Variants in ZNF614 observed in about 807,000 individuals in gnomAD.
The protein encoded by ZNF614 is zinc finger protein 614.
ZNF614 carries 11 observed loss-of-function variants against 12.8 expected under a neutral mutation model. The ratio of observed to expected loss-of-function variants is 0.86; its 90% CI spans 0.54 to 1.43. The LOEUF is 1.43. ZNF614 is among the 40% of genes most tolerant of loss of function. ZNF614 has a pLI of 0.00. For synonymous variants in ZNF614, 237 were observed against 237.5 expected (o/e 1.00, Z 0.02); for missense variants, 664 against 708.8 (o/e 0.94, Z 0.72).
chr19:52,018,115 G>A lies in ZNF614; in HGVS notation c.143-12C>T. 1 of 1,610,204 alleles carries A rather than the reference G, an allele frequency of 6.2e-7. No individual in the cohort carries two copies. The highest frequency in any genetic ancestry group is 1.1e-5 in the South Asian group (1 of 90,962). On this transcript the variant is annotated splice_polypyrimidine_tract_variant and intron_variant, in intron 3 of 4. Transcript: ENST00000270649. ...GCTAGTTTGATACCCTGTTCATGAGGAAAGACAAACACAAACATCCTGAAT... is the reference window on the plus strand; with the variant it reads ...GCTAGTTTGATACCCTGTTCATGAGAAAAGACAAACACAAACATCCTGAAT...
chr19:52,028,218 G>C (rs1029886613), intron 1 of ZNF614, 24 bp downstream of exon 1: 1 of 152,514 alleles, frequency 6.6e-6, no homozygotes, highest in Non-Finnish European at 1.5e-5. Context: ...CAGGCCGCGA[G>C]TCCATGCCCA....
chr19:52,021,316 A>G (rs1201625846), intron 2 of ZNF614, among the ~76,000 whole-genome samples: 5 of 152,190 alleles, frequency 3.3e-5, no homozygotes, highest in Non-Finnish European at 7.3e-5. Flanking sequence ...CTGTGAATCA[A>G]AGTAGCCAGG....
In ZNF614 at chr19:52,018,452, C is replaced by G; in HGVS notation, c.58G>C (p.Glu20Gln). Residue 20 changes from glutamate to glutamine, a missense_variant, in exon 3 of 5, where the codon GAG becomes CAG. By Grantham distance (29) the Glu-to-Gln change is conservative (BLOSUM62 2). Transcript: ENST00000270649. ...GCAGTGTCCAGGAGCTGCCACTCCTCCCAGCTGAATTCCACAGCCACATCC... is the reference window on the plus strand; with the variant it reads ...GCAGTGTCCAGGAGCTGCCACTCCTGCCAGCTGAATTCCACAGCCACATCC... ...LEDVAVEFSWEEWQLLDTAQK... is the reference protein window; with the variant it reads ...LEDVAVEFSWQEWQLLDTAQK... 1 of 1,614,214 alleles carries G rather than the reference C, an allele frequency of 6.2e-7. No individual in the cohort carries two copies. The highest frequency in any genetic ancestry group is 2.2e-5 in the East Asian group (1 of 44,886).
intron 4 of ZNF614, chr19:52,017,658 G>T: frequency 2.7e-6 from 1 of 365,812 alleles, no homozygotes; most frequent in African/African-American, 2.1e-5. Flanking sequence ...CCGAGATTGG[G>T]CCATTGCACT....
At chr19:52,026,709 C>T (rs1164446681) in intron 1 of ZNF614, among the ~76,000 whole-genome samples, 2 of 152,192 alleles carry the variant, frequency 1.3e-5, no homozygotes, top group Non-Finnish European at 2.9e-5. Context: ...CTGTCTCCTC[C>T]TCGTCCCTGG....
At chr19:52,018,270 C>A in intron 3 of ZNF614, 98 bp downstream of exon 3, 1 of 1,588,722 alleles carries the variant, frequency 6.3e-7, no homozygotes, top group Non-Finnish European at 8.6e-7. Context: ...GTAACTCTTC[C>A]AAACACCACA....
chr19:52,018,673 A>C (rs2086916068), intron 2 of ZNF614, among the ~76,000 whole-genome samples, 179 bp from the exon 3 acceptor site: 1 of 152,176 alleles, frequency 6.6e-6, no homozygotes, highest in Non-Finnish European at 1.5e-5. Flanking sequence ...TAAATATTAA[A>C]CGTAGGCAAA....
At chr19:52,018,848 A>T (rs902187092) in intron 2 of ZNF614, among the ~76,000 whole-genome samples, 1 of 152,204 alleles carries the variant, frequency 6.6e-6, no homozygotes, top group Non-Finnish European at 1.5e-5. Flanking sequence ...AAAGGCCCCT[A>T]AAGTTGATTA....
intron 4 of ZNF614, 148 bp downstream of exon 4, chr19:52,017,860 A>G (rs2086910013): frequency 1.0e-5 from 6 of 587,592 alleles, no homozygotes; most frequent in African/African-American, 1.9e-5. Context: ...CTTTAAAGCT[A>G]TAACAGCATT....
chr19:52,026,976 G>A (rs1182648277), intron 1 of ZNF614, among the ~76,000 whole-genome samples: 1 of 152,212 alleles, frequency 6.6e-6, no homozygotes, highest in Non-Finnish European at 1.5e-5. Flanking sequence ...CCCTCTCCGA[G>A]GTGGTAGAGA....
At chr19:52,026,639 T>C (rs1461083300) in intron 1 of ZNF614, among the ~76,000 whole-genome samples, 1 of 152,158 alleles carries the variant, frequency 6.6e-6, no homozygotes, top group Non-Finnish European at 1.5e-5. Flanking sequence ...AAAGGGTCTC[T>C]GCTGAGGAGG....
In ZNF614 at chr19:52,017,926, A is replaced by G. The variant is rs1202326772; in HGVS notation, c.238+82T>C. 2.9e-5 allele frequency: 30 copies of G among 1,040,254 alleles called. No individual in the cohort carries two copies. In the Admixed American group the frequency reaches 6.1e-4, roughly 21 times the overall value. The allele number at this position is 1,040,254 out of a possible 1,614,324, so 64.4% of individuals were successfully genotyped here. On this transcript the variant is annotated intron_variant, in intron 4 of 4. Coordinates refer to ENST00000270649, the MANE Select transcript of ZNF614 (RefSeq NM_025040.4). ...ATAGTGGAGCTGCTTAGGTACCCTC[A>G]GATACTTCATATATGTGACACCTTT...
intron 1 of ZNF614, among the ~76,000 whole-genome samples, chr19:52,026,620 G>T (rs199679869): frequency 6.6e-6 from 1 of 152,130 alleles, no homozygotes; most frequent in Non-Finnish European, 1.5e-5. Context: ...CCCCTACCCC[G>T]ACACCTGTAA....
intron 2 of ZNF614, among the ~76,000 whole-genome samples, chr19:52,024,608 C>T (rs751851170): frequency 2.6e-5 from 4 of 151,260 alleles, no homozygotes; most frequent in Non-Finnish European, 4.4e-5. Context: ...AATCTGTAAC[C>T]GTAGCCCTAA....
At chr19:52,026,070 T>A (rs2086970140) in intron 1 of ZNF614, 109 bp from the exon 2 acceptor site, 2 of 254,332 alleles carry the variant, frequency 7.9e-6, no homozygotes, top group Admixed American at 1.0e-4. Flanking sequence ...AACAGTTCCT[T>A]TATTTGCTGC....
chr19:52,018,155 T>C, intron 3 of ZNF614, 52 bp from the exon 4 acceptor site: 1 of 1,524,708 alleles, frequency 6.6e-7, no homozygotes, highest in Non-Finnish European at 9.1e-7. Flanking sequence ...GTCCAGTATG[T>C]CAAGATGGAA....
chr19:52,015,428 T>G lies in ZNF614; in HGVS notation c.*412A>C, dbSNP rs953973511. On this transcript the variant is annotated 3_prime_UTR_variant, in exon 5 of 5. Coordinates refer to ENST00000270649, the MANE Select transcript of ZNF614 (RefSeq NM_025040.4). ...CATCATGTTTCTATCAACAATAAGC[T>G]CACTTACGTTGAAATCTATGATGAA... 1 of 157,628 alleles carries G rather than the reference T, an allele frequency of 6.3e-6. No homozygotes were observed. Among genetic ancestry groups the G allele is most frequent in the African/African-American group, 2.4e-5 (1 of 41,512 alleles). 9.8% of individuals were successfully genotyped at this position (157,628 alleles called of 1,614,324 possible). A position where few individuals can be genotyped will look rare whatever the true frequency, so the allele number is the denominator to read the frequency against.
chr19:52,026,074 T>C (rs1015031178), intron 1 of ZNF614, 113 bp from the exon 2 acceptor site: 2 of 248,854 alleles, frequency 8.0e-6, no homozygotes. Context: ...GTTCCTTTAT[T>C]TGCTGCCTCA....
At position 52,018,378 on chromosome 19, in the gene ZNF614, T is replaced by C. The variant is rs757177201; in HGVS notation, c.132A>G (p.Leu44=). The C allele has an allele frequency of 1.4e-5, 23 of 1,613,990 alleles. No homozygotes were observed. In the South Asian group the frequency reaches 2.4e-4, roughly 17 times the overall value. Residue 44 remains leucine (L), a synonymous_variant, in exon 3 of 5, where the codon CTA becomes CTG. Coordinates refer to ENST00000270649, the MANE Select transcript of ZNF614 (RefSeq NM_025040.4). ...GGAAACTATTCTTACCCAGTGATACTAGGTGGTTATAGTTCTCCACCATCA... is the reference window on the plus strand; with the variant it reads ...GGAAACTATTCTTACCCAGTGATACCAGGTGGTTATAGTTCTCCACCATCA... ...RDVMVENYNH[L]VSLGYQTSKP...
Sources: allele counts gnomAD v4.1 joint callset (sites outside exome capture counted in the v4.1 genomes callset), GRCh38; gene constraint gnomAD v4.1.1; transcripts MANE v1.5; gene names NCBI Gene and HGNC (gene_info 2026-07-23, HGNC 2026-07-21).